The following FLOT2 variants were observed in gnomAD, a reference collection of about 807,000 sequenced individuals.
The protein encoded by FLOT2 is flotillin-2.
Under a neutral mutation model 54.9 loss-of-function variants are expected in FLOT2, and 35 were observed. The ratio of observed to expected loss-of-function variants is 0.64; its 90% CI spans 0.49 to 0.84. The LOEUF is 0.84. Ranked by LOEUF, FLOT2 falls within the 40% of genes least tolerant of loss-of-function variation. The pLI is 0.00. For missense variants in FLOT2, 464 were observed against 572.1 expected (o/e 0.81, Z 1.93); for synonymous variants, 207 against 228.9 (o/e 0.90, Z 0.86).
chr17:28,896,965 C>G (rs528569511), intron 1 of FLOT2, among the ~76,000 whole-genome samples: 1 of 152,378 alleles, frequency 6.6e-6, no homozygotes, highest in South Asian at 2.1e-4. Context: ...TGCCCAGAAC[C>G]GGGTTTCCCA....
Position 28,897,482 on chromosome 17 carries a change from C to G in FLOT2, c.49+44G>C, listed in dbSNP as rs374539715. 4.7e-5 allele frequency: 74 copies of G among 1,572,046 alleles called. No individual in the cohort carries two copies. Among genetic ancestry groups the G allele is most frequent in the Non-Finnish European group, 5.6e-5 (65 of 1,156,052 alleles). ...TGCACTCCCCAGCCCTGCACCCACC[C>G]CGAGCACCCTCCACAGCTCCCACCT... On this transcript the variant is annotated intron_variant, in intron 1 of 10. Transcript: ENST00000394908. This position sits in a 1 kb window ranked among gnomAD's most constrained non-coding sequence, Gnocchi z 4.4.
At chr17:28,887,839 C>G (rs903933370) in intron 2 of FLOT2, among the ~76,000 whole-genome samples, 3 of 152,180 alleles carry the variant, frequency 2.0e-5, no homozygotes, top group Admixed American at 2.0e-4. Flanking sequence ...AGAAGAGTCC[C>G]CAGCATCGCT....
Position 28,882,198 on chromosome 17 carries a change from T to C in FLOT2, c.619A>G (p.Met207Val). ...GAGTCAGCAATCTTGGTGTCTGCCA[T>C]GAACTTCACATCCAGCATCTCCTTC... ...CKKEMLDVKF[M>V]ADTKIADSKR... The change falls in exon 7 of 11, where the codon ATG becomes GTG. Residue 207 changes from methionine (M) to valine (V), a missense_variant. Coordinates refer to ENST00000394908, the MANE Select transcript of FLOT2 (RefSeq NM_004475.3). This position sits in a 1 kb window ranked among gnomAD's most constrained non-coding sequence, Gnocchi z 5.6. 6.2e-7 allele frequency: 1 copy of C among 1,614,212 alleles called. No individual in the cohort carries two copies. Among genetic ancestry groups the C allele is most frequent in the Non-Finnish European group, 8.5e-7 (1 of 1,180,036 alleles).
intron 2 of FLOT2, chr17:28,886,086 AC>A (rs59662305): frequency 0.23 from 130,692 of 576,808 alleles, 18,495 homozygotes; most frequent in African/African-American, 0.32. Context: ...CAGTAATCCA[AC>A]CCCCCAACTG....
At chr17:28,885,543 A>G in intron 2 of FLOT2, 1 of 715,316 alleles carries the variant, frequency 1.4e-6, no homozygotes. Flanking sequence ...ATTAACACCC[A>G]AGCCCAAGAA....
At position 28,884,352 on chromosome 17, in the gene FLOT2, G is replaced by A. The variant is rs373339466; in HGVS notation, c.132-37C>T. On this transcript the variant is annotated intron_variant, in intron 2 of 10. Coordinates refer to ENST00000394908, the MANE Select transcript of FLOT2 (RefSeq NM_004475.3). This position sits in a 1 kb window ranked among gnomAD's most constrained non-coding sequence, Gnocchi z 5.1. ...CGCAAAACAGGGGCATGGGTCTGGGGGCGCAGGGCCTGGTGGTGTTGGGAA... is the reference window on the plus strand; with the variant it reads ...CGCAAAACAGGGGCATGGGTCTGGGAGCGCAGGGCCTGGTGGTGTTGGGAA... The A allele has an allele frequency of 2.8e-6, 4 of 1,404,866 alleles. No homozygotes were observed. The South Asian group carries it at 4.9e-5, about 17-fold the overall frequency. 87.0% of individuals were successfully genotyped at this position (1,404,866 alleles called of 1,614,324 possible). A position where few individuals can be genotyped will look rare whatever the true frequency, so the allele number is the denominator to read the frequency against.
At chr17:28,888,821 G>T (rs897459019) in intron 2 of FLOT2, 124 bp downstream of exon 2, 6 of 244,616 alleles carry the variant, frequency 2.5e-5, no homozygotes, top group African/African-American at 1.1e-4. Context: ...CCCCTCCACC[G>T]CCAGAATGGA....
intron 2 of FLOT2, among the ~76,000 whole-genome samples, chr17:28,888,131 G>A (rs1024175501): frequency 1.3e-5 from 2 of 152,182 alleles, no homozygotes; most frequent in Non-Finnish European, 2.9e-5. Context: ...TTGTTGCCTG[G>A]GTCCTGGTTG....
chr17:28,885,908 C>A, intron 2 of FLOT2: 1 of 1,550,492 alleles, frequency 6.4e-7, no homozygotes, highest in Non-Finnish European at 8.7e-7. Context: ...TCTCAATATT[C>A]TCACAGCGAC....
chr17:28,880,700 G>A lies in FLOT2; in HGVS notation c.1248+13C>T. ...TACCTGGGCAACCCCACCGCAGCTA[G>A]GCAGGCACATACCTTAGACAGGTCC... On this transcript the variant is annotated intron_variant, in intron 10 of 10. Coordinates refer to ENST00000394908, the MANE Select transcript of FLOT2 (RefSeq NM_004475.3). 6.2e-7 allele frequency: 1 copy of A among 1,614,150 alleles called. No individual in the cohort carries two copies. The highest frequency in any genetic ancestry group is 1.1e-5 in the South Asian group (1 of 91,048).
At chr17:28,895,158 C>T (rs2039721844) in intron 1 of FLOT2, among the ~76,000 whole-genome samples, 1 of 151,930 alleles carries the variant, frequency 6.6e-6, no homozygotes, top group Non-Finnish European at 1.5e-5. Flanking sequence ...AGTGATCCAT[C>T]TGCCTCAGCC....
At chr17:28,886,057 G>C (rs1598093724) in intron 2 of FLOT2, 2 of 612,546 alleles carry the variant, frequency 3.3e-6, no homozygotes, top group Non-Finnish European at 5.9e-6. Context: ...ACGCCTGGGG[G>C]CGGGGGGGGG....
Position 28,882,303 on chromosome 17 carries a change from C to T in FLOT2, c.579+34G>A, listed in dbSNP as rs1377189688. 1.1e-5 allele frequency: 18 copies of T among 1,613,914 alleles called. No homozygotes were observed. Among genetic ancestry groups the T allele is most frequent in the Non-Finnish European group, 1.5e-5 (18 of 1,179,904 alleles). The stretch of plus-strand genomic sequence containing the variant: ...AGGTCCTGAGTCATCATGGTCCCAT[C>T]ACCCCTGAGCTTCCCATCCTTGAAC... On this transcript the variant is annotated intron_variant, in intron 6 of 10. Transcript: ENST00000394908. This position sits in a 1 kb window ranked among gnomAD's most constrained non-coding sequence, Gnocchi z 5.6.
intron 9 of FLOT2, 21 bp from the exon 10 acceptor site, chr17:28,880,883 G>A (rs752752055): frequency 1.2e-6 from 2 of 1,613,532 alleles, no homozygotes; most frequent in Admixed American, 1.7e-5. Context: ...AGAGTGGGAG[G>A]ACAGCCTGGT....
intron 2 of FLOT2, chr17:28,885,520 G>A: frequency 1.4e-6 from 1 of 708,510 alleles, no homozygotes. Context: ...GACAGAGTAA[G>A]CATTTGGAGC....
In FLOT2 at chr17:28,880,115, G is replaced by A. The variant is rs752926670; in HGVS notation, c.*446C>T. 3.2e-5 allele frequency: 33 copies of A among 1,022,530 alleles called. No homozygotes were observed. Among genetic ancestry groups the A allele is most frequent in the African/African-American group, 6.9e-5 (4 of 57,974 alleles). 63.3% of individuals were successfully genotyped at this position (1,022,530 alleles called of 1,614,324 possible). On this transcript the variant is annotated 3_prime_UTR_variant, in exon 11 of 11. Coordinates refer to ENST00000394908, the MANE Select transcript of FLOT2 (RefSeq NM_004475.3). ...CAGTCCAGGAGAGAGGACAGTGACC[G>A]TCCTACCCAGAACCCCTGCCCATGC... is the stretch of plus-strand genomic sequence containing the variant.
Position 28,880,106 on chromosome 17 carries a change from ACAG to A in FLOT2, c.*452_*454del. On this transcript the variant is annotated 3_prime_UTR_variant, in exon 11 of 11. Transcript: ENST00000394908. ...TGGGAAGACCAGTCCAGGAGAGAGG[ACAG>A]TGACCGTCCTACCCAGAACCCCTGC... 2.0e-6 allele frequency: 2 copies of A among 1,011,420 alleles called. No individual in the cohort carries two copies. Among genetic ancestry groups the A allele is most frequent in the Non-Finnish European group, 2.4e-6 (2 of 845,558 alleles). 62.7% of individuals were successfully genotyped at this position (1,011,420 alleles called of 1,614,324 possible).
rs141636001 is a variant in FLOT2, at chr17:28,895,522, C to T, written c.49+2004G>A. 3.2e-3 allele frequency among the ~76,000 whole-genome samples: 484 copies of T among 152,178 alleles called. 2 individuals carry two copies. The highest frequency in any genetic ancestry group is 0.011 in the African/African-American group (467 of 41,520). ...AGTTGATCCTCCCATCTCGGCCTCCCAAAGTGCTGGAATTACAGGCATGAG... is the reference window on the plus strand; with the variant it reads ...AGTTGATCCTCCCATCTCGGCCTCCTAAAGTGCTGGAATTACAGGCATGAG... On this transcript the variant is annotated intron_variant, in intron 1 of 10. Coordinates refer to ENST00000394908, the MANE Select transcript of FLOT2 (RefSeq NM_004475.3).
At chr17:28,894,428 A>C (rs1202250681) in intron 1 of FLOT2, among the ~76,000 whole-genome samples, 1 of 152,058 alleles carries the variant, frequency 6.6e-6, no homozygotes, top group Non-Finnish European at 1.5e-5. Context: ...GTTTGAGAAC[A>C]GCCTGGCCAA....
Sources: allele counts gnomAD v4.1 joint callset (sites outside exome capture counted in the v4.1 genomes callset), GRCh38; gene constraint gnomAD v4.1.1; non-coding constraint Gnocchi (gnomAD v3.1); transcripts MANE v1.5; gene names NCBI Gene and HGNC (gene_info 2026-07-23, HGNC 2026-07-21).